The following MYO1D variants were observed in gnomAD, a reference collection of about 807,000 sequenced individuals.
The protein encoded by MYO1D is myosin ID, also known as unconventional myosin-Id.
MYO1D carries 83 observed loss-of-function variants against 122.0 expected under a neutral mutation model. The observed-to-expected ratio is 0.68, with a 90% CI of 0.57 to 0.82. MYO1D has a LOEUF of 0.82. MYO1D is among the 40% of genes least tolerant of loss of function. The pLI is 0.00. For synonymous variants in MYO1D, 464 were observed against 446.9 expected (o/e 1.04, Z -0.48); for missense variants, 1,157 against 1,269.5 (o/e 0.91, Z 1.35).
At chr17:32,605,344 C>T (rs888028443) in intron 20 of MYO1D, 103 bp from the exon 21 acceptor site, 86 of 1,106,770 alleles carry the variant, frequency 7.8e-5, no homozygotes, top group Non-Finnish European at 1.0e-4. Context: ...CCTGTAGTCC[C>T]AGCTACTTGG....
intron 1 of MYO1D, among the ~76,000 whole-genome samples, chr17:32,838,139 A>G (rs1249201917): frequency 6.6e-6 from 1 of 152,148 alleles, no homozygotes; most frequent in Non-Finnish European, 1.5e-5. Context: ...CCCTATAAAT[A>G]TTCATGTCAA....
chr17:32,764,456 G>A (rs763360599), intron 8 of MYO1D, among the ~76,000 whole-genome samples: 1 of 152,302 alleles, frequency 6.6e-6, no homozygotes. Context: ...AGTAGGTGAG[G>A]TAAGAGGTAT....
chr17:32,724,916 T>G (rs1026669728), intron 14 of MYO1D, among the ~76,000 whole-genome samples: 1 of 152,202 alleles, frequency 6.6e-6, no homozygotes, highest in African/African-American at 2.4e-5. Context: ...CAGATAATTT[T>G]GCAAATATAA....
At chr17:32,701,780 T>A (rs1438046646) in intron 16 of MYO1D, among the ~76,000 whole-genome samples, 1 of 152,212 alleles carries the variant, frequency 6.6e-6, no homozygotes, top group Admixed American at 6.5e-5. Context: ...TTGCCCAGGC[T>A]GGTCTCGAAC....
intron 1 of MYO1D, among the ~76,000 whole-genome samples, chr17:32,800,694 T>C (rs2090453384): frequency 6.6e-6 from 1 of 152,040 alleles, no homozygotes; most frequent in African/African-American, 2.4e-5. Context: ...TATTTGTTTT[T>C]GTTTTTTTTT....
chr17:32,876,510 G>A (rs1194561427), intron 1 of MYO1D, among the ~76,000 whole-genome samples: 1 of 152,114 alleles, frequency 6.6e-6, no homozygotes, highest in Non-Finnish European at 1.5e-5. Flanking sequence ...CTAAACCCCG[G>A]ACAGCGCCCA....
chr17:32,664,665 G>A (rs1235416896), intron 16 of MYO1D, among the ~76,000 whole-genome samples: 3 of 152,240 alleles, frequency 2.0e-5, no homozygotes, highest in South Asian at 2.1e-4. Context: ...TACTGACAGA[G>A]GAGCAAGCAA....
chr17:32,640,453 C>T (rs2088180269), intron 19 of MYO1D, among the ~76,000 whole-genome samples: 20 of 141,652 alleles, frequency 1.4e-4, no homozygotes, highest in South Asian at 4.9e-4. Flanking sequence ...TTAGGTATAT[C>T]TCCCAATGCT....
chr17:32,515,536 C>G lies in MYO1D; in HGVS notation c.2865-20621G>C, dbSNP rs189190184. ...TAAACTCCTAGGCTCAAGCAATCCT[C>G]TTGCCTCAGCCTCCCAAAGTGTTGG... On this transcript the variant is annotated intron_variant, in intron 21 of 21. Coordinates refer to ENST00000318217, the MANE Select transcript of MYO1D (RefSeq NM_015194.3). 4.9e-4 allele frequency among the ~76,000 whole-genome samples: 75 copies of G among 152,316 alleles called. 1 individual carries two copies. In the East Asian group the frequency reaches 0.014, roughly 29 times the overall value.
At chr17:32,746,808 A>G (rs2151007811) in intron 12 of MYO1D, among the ~76,000 whole-genome samples, 1 of 152,288 alleles carries the variant, frequency 6.6e-6, no homozygotes, top group East Asian at 1.9e-4. Flanking sequence ...CTAGACTAAG[A>G]GTCTAGAAAC....
intron 21 of MYO1D, among the ~76,000 whole-genome samples, chr17:32,567,557 A>C (rs2087185001): frequency 6.6e-6 from 1 of 152,228 alleles, no homozygotes; most frequent in African/African-American, 2.4e-5. Flanking sequence ...GGATGGACTT[A>C]AACACAGACC....
chr17:32,521,628 A>T (rs971297172), intron 21 of MYO1D, among the ~76,000 whole-genome samples: 1 of 152,128 alleles, frequency 6.6e-6, no homozygotes, highest in Non-Finnish European at 1.5e-5. Flanking sequence ...GGTCCATAGA[A>T]CCCTAGCCAG....
At chr17:32,676,200 T>A (rs1354485633) in intron 16 of MYO1D, among the ~76,000 whole-genome samples, 1 of 152,212 alleles carries the variant, frequency 6.6e-6, no homozygotes, top group Non-Finnish European at 1.5e-5. Context: ...ATTAAAGCCC[T>A]CATTTCCAAA....
chr17:32,791,623 A>T (rs2090352369), intron 1 of MYO1D, among the ~76,000 whole-genome samples: 1 of 152,174 alleles, frequency 6.6e-6, no homozygotes, highest in Non-Finnish European at 1.5e-5. Context: ...TACAAAGAGA[A>T]ATTAAGAAGC....
intron 19 of MYO1D, among the ~76,000 whole-genome samples, chr17:32,653,607 CAAAA>C (rs35172819): frequency 3.2e-4 from 32 of 99,966 alleles, no homozygotes; most frequent in South Asian, 1.0e-3. Context: ...ACTCCGTCTC[CAAAA>C]AAAAAAAAAA....
chr17:32,633,965 T>C (rs1258325462), intron 20 of MYO1D, among the ~76,000 whole-genome samples: 1 of 152,222 alleles, frequency 6.6e-6, no homozygotes, highest in Non-Finnish European at 1.5e-5. Flanking sequence ...CACACACATA[T>C]ACTTTTCCCC....
intron 16 of MYO1D, among the ~76,000 whole-genome samples, chr17:32,667,343 T>C (rs2088650814): frequency 6.6e-6 from 1 of 152,240 alleles, no homozygotes; most frequent in Non-Finnish European, 1.5e-5. Flanking sequence ...CTTGATATGC[T>C]ATTTTTAAAA....
chr17:32,577,952 G>T (rs947494937), intron 21 of MYO1D, among the ~76,000 whole-genome samples: 1 of 152,048 alleles, frequency 6.6e-6, no homozygotes, highest in Non-Finnish European at 1.5e-5. Context: ...TGTTAGCCAG[G>T]ATGGTCTCGA....
chr17:32,598,323 A>C (rs1359614113), intron 21 of MYO1D, among the ~76,000 whole-genome samples: 1 of 152,188 alleles, frequency 6.6e-6, no homozygotes, highest in East Asian at 1.9e-4. Flanking sequence ...GCAGTGAGCC[A>C]AGATTGCACC....
Sources: gnomAD v4.1 joint callset for allele counts (sites outside exome capture counted in the v4.1 genomes callset) on GRCh38, gnomAD v4.1.1 for gene constraint, MANE v1.5 for transcripts, NCBI Gene and HGNC (gene_info 2026-07-23, HGNC 2026-07-21) for gene names.